Variants in PRDM12 observed in about 807,000 individuals in gnomAD.
PRDM12 encodes the protein PR domain zinc finger protein 12.
PRDM12 carries 17 observed loss-of-function variants against 29.6 expected under a neutral mutation model. The observed-to-expected ratio is 0.57, with a 90% CI of 0.39 to 0.86. PRDM12 has a LOEUF of 0.86. Ranked by LOEUF, PRDM12 falls within the 40% of genes least tolerant of loss-of-function variation. The pLI is 0.00. For missense variants in PRDM12, 422 were observed against 510.8 expected, an observed-to-expected ratio of 0.83 and a Z score of 1.68; for synonymous variants, 231 against 225.8, an observed-to-expected ratio of 1.02 and a Z score of -0.21.
chr9:130,674,014 T>C (rs12237979), intron 3 of PRDM12, among the ~76,000 whole-genome samples: 7 of 118,558 alleles, frequency 5.9e-5, no homozygotes, highest in African/African-American at 1.4e-4. Flanking sequence ...TTCTTTCTTT[T>C]TTTTTTTTTT....
rs959151257 is a variant in PRDM12, at chr9:130,681,156, G to A, written c.683-92G>A. On this transcript the variant is annotated intron_variant, in intron 4 of 4. Coordinates refer to ENST00000253008, the MANE Select transcript of PRDM12 (RefSeq NM_021619.3). The surrounding 1 kb of genome is among the most constrained non-coding windows in gnomAD (Gnocchi z 8.1). ...GGACCGGCCCCGGGCTGGGGGCGCT[G>A]AGGGCCCGGGCTGCGGGGCGCCGGT... 1 of 1,266,536 alleles carries A rather than the reference G, an allele frequency of 7.9e-7. No homozygotes were observed. Among genetic ancestry groups the A allele is most frequent in the Non-Finnish European group, 1.0e-6 (1 of 983,098 alleles). The allele number at this position is 1,266,536 out of a possible 1,614,324, so 78.5% of individuals were successfully genotyped here.
intron 3 of PRDM12, among the ~76,000 whole-genome samples, chr9:130,675,788 G>C (rs572729319): frequency 3.9e-5 from 6 of 152,356 alleles, no homozygotes; most frequent in African/African-American, 1.4e-4. Flanking sequence ...GACTGAGCAG[G>C]AACCCCCTGT....
rs1282623414 is a variant in PRDM12 at position 130,681,809 on chromosome 9, C to A, written c.*140C>A. ...GCGCGCTGGGGTTGCGCCCCGGAGGCGGATCTCAGGCACCCCCGCCTTGGC... is the reference window on the plus strand; with the variant it reads ...GCGCGCTGGGGTTGCGCCCCGGAGGAGGATCTCAGGCACCCCCGCCTTGGC... On this transcript the variant is annotated 3_prime_UTR_variant, in exon 5 of 5. Coordinates refer to ENST00000253008, the MANE Select transcript of PRDM12 (RefSeq NM_021619.3). This position sits in a 1 kb window ranked among gnomAD's most constrained non-coding sequence, Gnocchi z 8.1. 1.3e-6 allele frequency: 1 copy of A among 784,382 alleles called. No individual in the cohort carries two copies. Among genetic ancestry groups the A allele is most frequent in the Non-Finnish European group, 1.5e-6 (1 of 646,534 alleles). 48.6% of individuals were successfully genotyped at this position (784,382 alleles called of 1,614,324 possible).
chr9:130,666,387 C>T (rs969499103), intron 1 of PRDM12, among the ~76,000 whole-genome samples: 5 of 152,256 alleles, frequency 3.3e-5, no homozygotes, highest in African/African-American at 1.2e-4. Context: ...GCACCACTCG[C>T]TTTCCAGGGC....
rs1830905905 is a variant in PRDM12 at position 130,681,686 on chromosome 9, G to T, written c.*17G>T. 4.1e-6 allele frequency: 4 copies of T among 980,286 alleles called. No homozygotes were observed. In the South Asian group the frequency reaches 1.8e-4, roughly 44 times the overall value. 60.7% of individuals were successfully genotyped at this position (980,286 alleles called of 1,614,324 possible). On this transcript the variant is annotated 3_prime_UTR_variant, in exon 5 of 5. Coordinates refer to ENST00000253008, the MANE Select transcript of PRDM12 (RefSeq NM_021619.3). The surrounding 1 kb of genome is among the most constrained non-coding windows in gnomAD (Gnocchi z 8.1). ...GTGCTGTGAGCGCGCCCGCGCCCCC[G>T]CCGGGCCCCGCGCGCTCCTGGGTCC...
intron 2 of PRDM12, 104 bp downstream of exon 2, chr9:130,666,902 C>T: frequency 1.4e-5 from 20 of 1,426,216 alleles, no homozygotes; most frequent in Non-Finnish European, 1.8e-5. Flanking sequence ...GGGCTGAGAG[C>T]GGCGGACACT....
At chr9:130,673,663 T>C (rs994015035) in intron 3 of PRDM12, among the ~76,000 whole-genome samples, 7 of 4,764 alleles carry the variant, frequency 1.5e-3, no homozygotes, top group Admixed American at 2.9e-3. Context: ...TCACGGCTAA[T>C]TTTTTTTTTT....
At chr9:130,671,885 A>C (rs1564246296) in intron 3 of PRDM12, among the ~76,000 whole-genome samples, 1 of 152,252 alleles carries the variant, frequency 6.6e-6, no homozygotes, top group Non-Finnish European at 1.5e-5. Flanking sequence ...ACTTACCAAA[A>C]ATAGGAAGGA....
intron 4 of PRDM12, among the ~76,000 whole-genome samples, chr9:130,680,270 G>A (rs777547068): frequency 2.2e-4 from 33 of 152,062 alleles, no homozygotes; most frequent in Non-Finnish European, 4.1e-4. Flanking sequence ...CCGGGAGGTC[G>A]AGGCTACAGT....
chr9:130,675,273 G>T (rs973308312), intron 3 of PRDM12, among the ~76,000 whole-genome samples: 1 of 152,250 alleles, frequency 6.6e-6, no homozygotes, highest in Non-Finnish European at 1.5e-5. Context: ...CAGGCCTGGA[G>T]CCTGGAGGTG....
In PRDM12 at chr9:130,679,188, G is replaced by A. The variant is rs372214490; in HGVS notation, c.682+548G>A. ...ACAGACTGTGCCTGTGTGTGTGTCAGGGGGACACTGCCCATCACAGCAGAG... is the reference window on the plus strand; with the variant it reads ...ACAGACTGTGCCTGTGTGTGTGTCAAGGGGACACTGCCCATCACAGCAGAG... On this transcript the variant is annotated intron_variant, in intron 4 of 4. Transcript: ENST00000253008. Among the ~76,000 whole-genome samples the A allele has an allele frequency of 2.6e-5, 4 of 152,308 alleles. No individual in the cohort carries two copies. The East Asian group carries it at 7.7e-4, about 29-fold the overall frequency.
intron 2 of PRDM12, among the ~76,000 whole-genome samples, chr9:130,667,574 G>A (rs1407962198): frequency 6.6e-6 from 1 of 151,762 alleles, no homozygotes; most frequent in African/African-American, 2.4e-5. Context: ...TGATAGAACT[G>A]CGGGATGGCC....
In PRDM12 at chr9:130,666,816, C is replaced by T; in HGVS notation, c.414+18C>T. 6.4e-7 allele frequency: 1 copy of T among 1,574,304 alleles called. No homozygotes were observed. Among genetic ancestry groups the T allele is most frequent in the South Asian group, 1.1e-5 (1 of 87,712 alleles). ...TGTGGGAGGTACGCGCGGGCTGGGG[C>T]AGAGGGGCGCAAGGGCCGGCGAGGG... On this transcript the variant is annotated intron_variant, in intron 2 of 4. Coordinates refer to ENST00000253008, the MANE Select transcript of PRDM12 (RefSeq NM_021619.3).
rs112618814 is a variant in PRDM12, at chr9:130,673,355, C to T, written c.570+5042C>T. Among the ~76,000 whole-genome samples, 8 of 152,258 alleles carry T rather than the reference C, an allele frequency of 5.3e-5. No homozygotes were observed. The East Asian group carries it at 9.7e-4, about 18-fold the overall frequency. On this transcript the variant is annotated intron_variant, in intron 3 of 4. Transcript: ENST00000253008. ...CTTGATAGTAGAAGTTTGTTGATGG[C>T]GGGTGCCTGGGAGCAGGCAGACACC...
intron 2 of PRDM12, among the ~76,000 whole-genome samples, 174 bp from the exon 3 acceptor site, chr9:130,667,984 G>C (rs1830749185): frequency 6.6e-6 from 1 of 152,222 alleles, no homozygotes. Flanking sequence ...CAGCCGGCTA[G>C]CTTCAGGCAA....
intron 3 of PRDM12, among the ~76,000 whole-genome samples, chr9:130,676,695 C>CTA (rs1304667965): frequency 6.6e-6 from 1 of 152,158 alleles, no homozygotes; most frequent in East Asian, 1.9e-4. Context: ...GAGGCACCGT[C>CTA]TAACTTCCTG....
chr9:130,672,970 G>C, intron 3 of PRDM12, among the ~76,000 whole-genome samples: 1 of 152,208 alleles, frequency 6.6e-6, no homozygotes, highest in East Asian at 1.9e-4. Flanking sequence ...CGTTGACAGG[G>C]CATGTCCATT....
At chr9:130,672,154 G>C (rs1184141330) in intron 3 of PRDM12, among the ~76,000 whole-genome samples, 3 of 152,172 alleles carry the variant, frequency 2.0e-5, no homozygotes, top group Admixed American at 1.3e-4. Context: ...CTAGCACATA[G>C]TAAGTGGCCA....
Position 130,664,622 on chromosome 9 carries a change from GT to G in PRDM12, c.-31del. 1.7e-6 allele frequency: 2 copies of G among 1,162,922 alleles called. No individual in the cohort carries two copies. The highest frequency in any genetic ancestry group is 2.3e-6 in the Non-Finnish European group (2 of 881,766). 72.0% of individuals were successfully genotyped at this position (1,162,922 alleles called of 1,614,324 possible). Reference sequence around the variant, plus strand: ...GCCCACCTCCCCCGTCGGCCCGGCCGTCCCCCGGCGCCGGGGAGCTCCGGGC... The same window carrying G: ...GCCCACCTCCCCCGTCGGCCCGGCCGCCCCCGGCGCCGGGGAGCTCCGGGC... On this transcript the variant is annotated 5_prime_UTR_variant, in exon 1 of 5. Transcript: ENST00000253008. This position sits in a 1 kb window ranked among gnomAD's most constrained non-coding sequence, Gnocchi z 6.4.
Sources: allele counts gnomAD v4.1 joint callset (sites outside exome capture counted in the v4.1 genomes callset), GRCh38; gene constraint gnomAD v4.1.1; non-coding constraint Gnocchi (gnomAD v3.1); transcripts MANE v1.5; gene names NCBI Gene and HGNC (gene_info 2026-07-23, HGNC 2026-07-21).